MCM10: variants seen among roughly 807,000 people sequenced by gnomAD.
MCM10 encodes protein MCM10 homolog.
A neutral mutation model predicts 109.9 loss-of-function variants in MCM10; 91 were observed. The observed-to-expected ratio is 0.83, with a 90% confidence interval of 0.70 to 0.99. The LOEUF (loss-of-function observed/expected upper bound fraction) is 0.99. Ranked by LOEUF, MCM10 falls within the 50% of genes least tolerant of loss-of-function variation. The probability of loss-of-function intolerance (pLI) is 0.00; values close to 1 mark genes in which losing one functional copy is unlikely to be tolerated. For missense variants in MCM10, 1,077 were observed against 1,061.2 expected, an observed-to-expected ratio of 1.01 and a Z score of -0.21; for synonymous variants, 380 against 387.2, an observed-to-expected ratio of 0.98 and a Z score of 0.22.
chr10:13,185,901 C>T (rs1423365177), intron 8 of MCM10, among the ~76,000 whole-genome samples: 1 of 152,138 alleles, frequency 6.6e-6, no homozygotes, highest in African/African-American at 2.4e-5. Context: ...ACTGGGACTA[C>T]ATGCACGCAC....
chr10:13,192,623 CAG>C, intron 13 of MCM10, 55 bp downstream of exon 13: 6 of 1,484,958 alleles, frequency 4.0e-6, no homozygotes, highest in Non-Finnish European at 4.7e-6. Flanking sequence ...CAGGCGTCCT[CAG>C]AACGTCTTCA....
chr10:13,171,028 G>A lies in MCM10; in HGVS notation c.114G>A (p.Glu38=), dbSNP rs1233663274. ...ACTTCTTGACGCGGGAAAATGGCGAGCCCGACGCATTTGATGAGCTCTTTG... is the reference window on the plus strand; with the variant it reads ...ACTTCTTGACGCGGGAAAATGGCGAACCCGACGCATTTGATGAGCTCTTTG... The part of the protein sequence containing the change: ...ENNFLTRENG[E]PDAFDELFDA... Residue 38 remains glutamate, a synonymous_variant, in exon 3 of 20, where the codon GAG becomes GAA. Transcript: ENST00000378714. 2.5e-6 allele frequency: 4 copies of A among 1,614,092 alleles called. No individual in the cohort carries two copies. The highest frequency in any genetic ancestry group is 2.7e-5 in the African/African-American group (2 of 74,916).
At chr10:13,198,646 G>A in intron 15 of MCM10, 43 bp from the exon 16 acceptor site, 3 of 1,357,336 alleles carry the variant, frequency 2.2e-6, no homozygotes, top group Non-Finnish European at 3.2e-6. Flanking sequence ...CTGGCTTTCT[G>A]AAATTTCTTG....
intron 6 of MCM10, among the ~76,000 whole-genome samples, chr10:13,179,912 A>G (rs11258231): frequency 6.6e-6 from 1 of 152,216 alleles, no homozygotes; most frequent in African/African-American, 2.4e-5. Flanking sequence ...CTTGTATTCT[A>G]TATAAGCCCT....
At chr10:13,176,169 T>A (rs1483526900) in intron 6 of MCM10, among the ~76,000 whole-genome samples, 1 of 152,200 alleles carries the variant, frequency 6.6e-6, no homozygotes, top group Non-Finnish European at 1.5e-5. Context: ...GTAGTTGATG[T>A]TAAGAAAAAT....
chr10:13,175,719 A>G (rs1194759028), intron 6 of MCM10, 38 bp downstream of exon 6: 1 of 1,479,034 alleles, frequency 6.8e-7, no homozygotes, highest in African/African-American at 1.4e-5. Context: ...GCGCCACGGC[A>G]TAGCTTTTTG....
At chr10:13,177,690 G>A (rs1834159910) in intron 6 of MCM10, among the ~76,000 whole-genome samples, 1 of 151,730 alleles carries the variant, frequency 6.6e-6, no homozygotes, top group South Asian at 2.1e-4. Context: ...TGGGCAACAG[G>A]ACAAAACCCC....
chr10:13,163,159 C>G (rs967515154), intron 1 of MCM10, among the ~76,000 whole-genome samples: 1 of 150,888 alleles, frequency 6.6e-6, no homozygotes, highest in South Asian at 2.1e-4. Context: ...GGCAACATGG[C>G]GAAACCCTGT....
chr10:13,186,260 T>C lies in MCM10; in HGVS notation c.1195T>C (p.Cys399Arg), dbSNP rs1425847721. The C allele has an allele frequency of 6.2e-7, 1 of 1,611,902 alleles. No homozygotes were observed. The highest frequency in any genetic ancestry group is 1.1e-5 in the South Asian group (1 of 91,032). Residue 399 changes from cysteine (C) to arginine (R), a missense_variant, in exon 9 of 20, where the codon TGC becomes CGC. Coordinates refer to ENST00000378714, the MANE Select transcript of MCM10 (RefSeq NM_018518.5). ...AGCCAAGAAGAAGAATGGAGAGCCG[T>C]GCACGCAGACTGTGAATTTGGTTGG... ...CKAKKKNGEP[C>R]TQTVNLRDCE... is the part of the protein sequence containing the mutation.
intron 1 of MCM10, among the ~76,000 whole-genome samples, 199 bp downstream of exon 1, chr10:13,161,805 C>T (rs1409816824): frequency 6.6e-6 from 1 of 152,252 alleles, no homozygotes; most frequent in Non-Finnish European, 1.5e-5. Context: ...CTGGGAGTTG[C>T]TGGCCGTCTA....
intron 2 of MCM10, among the ~76,000 whole-genome samples, chr10:13,169,440 G>A (rs1337191439): frequency 6.6e-6 from 1 of 152,170 alleles, no homozygotes; most frequent in Admixed American, 6.5e-5. Flanking sequence ...TTTCAAGAGT[G>A]CATCCACTTT....
At chr10:13,166,175 G>C (rs1013279571) in intron 2 of MCM10, among the ~76,000 whole-genome samples, 1 of 152,078 alleles carries the variant, frequency 6.6e-6, no homozygotes, top group African/African-American at 2.4e-5. Context: ...ATTGTAGAAT[G>C]AAGTCTTTGA....
chr10:13,209,016 T>C, intron 18 of MCM10, 75 bp from the exon 19 acceptor site: 1 of 1,008,394 alleles, frequency 9.9e-7, no homozygotes, highest in Non-Finnish European at 1.6e-6. Context: ...TCTCCCCAGG[T>C]GCAGTGAGCA....
intron 10 of MCM10, among the ~76,000 whole-genome samples, chr10:13,189,542 C>T (rs981555326): frequency 6.6e-6 from 1 of 152,120 alleles, no homozygotes; most frequent in African/African-American, 2.4e-5. Flanking sequence ...AGGCTGGTCT[C>T]GAAATCCTGA....
At chr10:13,164,265 A>C (rs1833965459) in intron 2 of MCM10, 56 bp downstream of exon 2, 2 of 1,528,704 alleles carry the variant, frequency 1.3e-6, no homozygotes, top group Admixed American at 2.1e-5. Flanking sequence ...CCTTTTGTCC[A>C]TGGACTTGTT....
In MCM10 at chr10:13,192,891, C is replaced by CT. The variant is rs113382950; in HGVS notation, c.1745+333dup. Among the ~76,000 whole-genome samples, 429 of 148,706 alleles carry CT rather than the reference C, an allele frequency of 2.9e-3. 4 individuals carry two copies. The highest frequency in any genetic ancestry group is 9.4e-3 in the African/African-American group (382 of 40,566). ...TGGCTGTCATTTTCTCTCTCTCTCT[C>CT]TTTTTTTTTTCTGAGACGGGTTTTC... is the stretch of plus-strand genomic sequence containing the variant. On this transcript the variant is annotated intron_variant, in intron 13 of 19. Transcript: ENST00000378714.
At position 13,182,227 on chromosome 10, in the gene MCM10, G is replaced by A. The variant is rs1054182646; in HGVS notation, c.931-706G>A. Among the ~76,000 whole-genome samples, 1 of 152,024 alleles carries A rather than the reference G, an allele frequency of 6.6e-6. No homozygotes were observed. Among genetic ancestry groups the A allele is most frequent in the East Asian group, 1.9e-4 (1 of 5,180 alleles). On this transcript the variant is annotated intron_variant, in intron 7 of 19. Transcript: ENST00000378714. This position sits in a 1 kb window ranked among gnomAD's most constrained non-coding sequence, Gnocchi z 4.2. ...GGTGGCTCACGTCTGTAACCCTAAC[G>A]CTTTGAGAGGATGGGGTGGGAGGAT... is the stretch of plus-strand genomic sequence containing the variant.
At chr10:13,191,527 C>A in intron 11 of MCM10, 128 bp downstream of exon 11, 1 of 667,832 alleles carries the variant, frequency 1.5e-6, no homozygotes, top group South Asian at 1.8e-5. Context: ...TCAGAAATCA[C>A]CACTAAGAAC....
chr10:13,196,415 A>G (rs1246391875), intron 14 of MCM10, among the ~76,000 whole-genome samples: 1 of 152,198 alleles, frequency 6.6e-6, no homozygotes, highest in African/African-American at 2.4e-5. Context: ...ACCTATAATA[A>G]TAACAACAGG....
Sources: gnomAD v4.1 joint callset for allele counts (sites outside exome capture counted in the v4.1 genomes callset) on GRCh38, gnomAD v4.1.1 for gene constraint, Gnocchi (gnomAD v3.1) non-coding constraint, MANE v1.5 for transcripts, NCBI Gene and HGNC (gene_info 2026-07-23, HGNC 2026-07-21) for gene names.